CDKAL1: variants seen among roughly 807,000 people sequenced by gnomAD.
CDKAL1 encodes CDKAL1 threonylcarbamoyladenosine tRNA methylthiotransferase.
In CDKAL1, 32 loss-of-function variants were observed where a neutral mutation model predicts 68.2. The ratio of observed to expected loss-of-function variants is 0.47; its 90% CI spans 0.35 to 0.63. The LOEUF is 0.63. Ranked by LOEUF, CDKAL1 falls within the 30% of genes least tolerant of loss-of-function variation. CDKAL1 has a pLI of 0.00. For synonymous variants in CDKAL1, 234 were observed against 244.3 expected (o/e 0.96, Z 0.39); for missense variants, 606 against 696.7 (o/e 0.87, Z 1.47).
intron 4 of CDKAL1, among the ~76,000 whole-genome samples, chr6:20,645,435 A>C (rs1768396416): frequency 6.6e-6 from 1 of 152,128 alleles, no homozygotes; most frequent in Non-Finnish European, 1.5e-5. Flanking sequence ...TTAAAATTAA[A>C]TTTTATTTAC....
At chr6:20,818,665 T>G (rs1777149033) in intron 8 of CDKAL1, among the ~76,000 whole-genome samples, 1 of 151,446 alleles carries the variant, frequency 6.6e-6, no homozygotes, top group Non-Finnish European at 1.5e-5. Context: ...GACAGATACA[T>G]TAATCTTAAG....
intron 12 of CDKAL1, among the ~76,000 whole-genome samples, chr6:21,103,437 GA>G (rs70990102): frequency 0.49 from 72,161 of 148,166 alleles, 17,545 homozygotes; most frequent in East Asian, 0.64. Flanking sequence ...TTGAGTATAA[GA>G]AAAAAAAAAA....
chr6:21,197,964 G>T, intron 13 of CDKAL1, 57 bp from the exon 14 acceptor site: 2 of 1,067,924 alleles, frequency 1.9e-6, no homozygotes, highest in Non-Finnish European at 1.4e-6. Context: ...TTTTATTTTT[G>T]GATTCACAGG....
chr6:21,219,617 C>T (rs769989068), intron 15 of CDKAL1, among the ~76,000 whole-genome samples: 1 of 152,194 alleles, frequency 6.6e-6, no homozygotes, highest in Non-Finnish European at 1.5e-5. Context: ...GAGAAAAGCA[C>T]CTGCCGTCTC....
At chr6:20,593,169 T>A (rs932644707) in intron 4 of CDKAL1, among the ~76,000 whole-genome samples, 1 of 152,258 alleles carries the variant, frequency 6.6e-6, no homozygotes, top group Non-Finnish European at 1.5e-5. Context: ...GGTATCAGGA[T>A]GATGCTGGCC....
chr6:21,003,364 A>ATG (rs2150824376), intron 11 of CDKAL1, among the ~76,000 whole-genome samples: 2 of 78,890 alleles, frequency 2.5e-5, no homozygotes, highest in South Asian at 7.4e-4. Context: ...ATATATATAT[A>ATG]TATATATACA....
chr6:21,201,955 C>CT (rs2151109797), intron 15 of CDKAL1, among the ~76,000 whole-genome samples: 1 of 142,266 alleles, frequency 7.0e-6, no homozygotes, highest in South Asian at 2.2e-4. Flanking sequence ...TTGTTAAGCG[C>CT]TTAAAAAAAA....
chr6:20,995,322 A>C (rs1767044054), intron 10 of CDKAL1, among the ~76,000 whole-genome samples: 1 of 152,236 alleles, frequency 6.6e-6, no homozygotes, highest in Admixed American at 6.5e-5. Flanking sequence ...TGGAATGACG[A>C]GTCCTTTCCA....
In CDKAL1 at chr6:20,981,274, G is replaced by A. The variant is rs540504023; in HGVS notation, c.910-18953G>A. ...AGTTTTAATGAGTCGTTTTGAATGT[G>A]TAATCATTGAACTTGTAAGGGATTG... On this transcript the variant is annotated intron_variant, in intron 10 of 15. Coordinates refer to ENST00000274695, the MANE Select transcript of CDKAL1 (RefSeq NM_017774.3). Among the ~76,000 whole-genome samples the A allele has an allele frequency of 2.6e-5, 4 of 152,290 alleles. No homozygotes were observed. In the South Asian group the frequency reaches 8.3e-4, roughly 32 times the overall value.
At chr6:20,988,695 G>C (rs557049573) in intron 10 of CDKAL1, among the ~76,000 whole-genome samples, 1 of 151,958 alleles carries the variant, frequency 6.6e-6, no homozygotes, top group African/African-American at 2.4e-5. Context: ...CTGTCGCCAG[G>C]CTGGAGTGCA....
chr6:20,783,026 T>A (rs932467760), intron 8 of CDKAL1, among the ~76,000 whole-genome samples: 1 of 151,864 alleles, frequency 6.6e-6, no homozygotes, highest in Non-Finnish European at 1.5e-5. Context: ...TGCCTCCGGG[T>A]TCAAGTGATT....
intron 11 of CDKAL1, among the ~76,000 whole-genome samples, chr6:21,050,167 A>G (rs1770464814): frequency 6.6e-6 from 1 of 152,222 alleles, no homozygotes; most frequent in South Asian, 2.1e-4. Context: ...AAATTTTTTT[A>G]GGGAGATACC....
intron 8 of CDKAL1, among the ~76,000 whole-genome samples, chr6:20,844,760 G>C (rs967989846): frequency 6.6e-6 from 1 of 151,844 alleles, no homozygotes; most frequent in Non-Finnish European, 1.5e-5. Context: ...TGCTCAGTAA[G>C]GGCTAAACAA....
At chr6:20,932,115 T>G (rs925249329) in intron 9 of CDKAL1, among the ~76,000 whole-genome samples, 1 of 152,164 alleles carries the variant, frequency 6.6e-6, no homozygotes, top group Non-Finnish European at 1.5e-5. Context: ...GAAACTGGAG[T>G]CTGTATTCCT....
At chr6:21,190,913 C>T (rs1762320638) in intron 13 of CDKAL1, among the ~76,000 whole-genome samples, 2 of 151,806 alleles carry the variant, frequency 1.3e-5, no homozygotes, top group Non-Finnish European at 2.9e-5. Flanking sequence ...CATTATTTTC[C>T]AAAGCCACGT....
At chr6:20,871,253 A>G (rs1760197814) in intron 9 of CDKAL1, among the ~76,000 whole-genome samples, 1 of 152,222 alleles carries the variant, frequency 6.6e-6, no homozygotes, top group Non-Finnish European at 1.5e-5. Context: ...GTGCTTCTTT[A>G]TCAATAAGCT....
chr6:20,728,691 G>A (rs1342957379), intron 5 of CDKAL1, among the ~76,000 whole-genome samples: 1 of 152,050 alleles, frequency 6.6e-6, no homozygotes. Context: ...AAATGACAGG[G>A]CTAGAAAGCT....
chr6:20,934,956 C>T (rs1004418094), intron 9 of CDKAL1, among the ~76,000 whole-genome samples: 2 of 144,388 alleles, frequency 1.4e-5, no homozygotes, highest in African/African-American at 2.6e-5. Flanking sequence ...AGTTCAATGG[C>T]GCAGTCTCGG....
chr6:20,948,987 G>A (rs1399714945), intron 9 of CDKAL1, among the ~76,000 whole-genome samples: 3 of 152,154 alleles, frequency 2.0e-5, no homozygotes, highest in East Asian at 1.9e-4. Flanking sequence ...AAAGAAATAA[G>A]TTGTTTTTGT....
Sources: allele counts gnomAD v4.1 joint callset (sites outside exome capture counted in the v4.1 genomes callset), GRCh38; gene constraint gnomAD v4.1.1; transcripts MANE v1.5; gene names NCBI Gene and HGNC (gene_info 2026-07-23, HGNC 2026-07-21).